Variants in ADAMTS9 observed in about 807,000 individuals in gnomAD.
ADAMTS9 encodes the protein A disintegrin and metalloproteinase with thrombospondin motifs 9.
Under a neutral mutation model 257.1 loss-of-function variants are expected in ADAMTS9, and 107 were observed. That is an observed-to-expected ratio of 0.42 (90% confidence interval 0.36 to 0.49). The LOEUF is 0.49. Ranked by LOEUF, ADAMTS9 falls within the 20% of genes least tolerant of loss-of-function variation. The probability of loss-of-function intolerance (pLI) is 0.03; values close to 1 mark genes in which losing one functional copy is unlikely to be tolerated. For missense variants in ADAMTS9, 2,353 were observed against 2,469.1 expected (o/e 0.95, Z 1.00); for synonymous variants, 982 against 880.9 (o/e 1.11, Z -2.03).
At position 64,656,102 on chromosome 3, in the gene ADAMTS9, T is replaced by C. The variant is rs894629936; in HGVS notation, c.970-227A>G. 3 of 432,310 alleles carry C rather than the reference T, an allele frequency of 6.9e-6. No individual in the cohort carries two copies. The Admixed American group carries it at 1.2e-4, about 18-fold the overall frequency. 26.8% of individuals were successfully genotyped at this position (432,310 alleles called of 1,614,324 possible). On this transcript the variant is annotated intron_variant, in intron 4 of 39. Transcript: ENST00000498707. ...GAATTCAAACAAATTTAAATTCCTC[T>C]GAAATTGCATTGCCACGTGACTTAA...
intron 28 of ADAMTS9, among the ~76,000 whole-genome samples, chr3:64,592,203 C>T (rs7647841): frequency 0.023 from 3,550 of 152,208 alleles, 133 homozygotes; most frequent in African/African-American, 0.081. Flanking sequence ...GCAGAAGTGG[C>T]CTTGCTCTTA....
chr3:64,574,441 G>A lies in ADAMTS9; in HGVS notation c.4357-5906C>T, dbSNP rs557615615. Among the ~76,000 whole-genome samples, 3 of 151,554 alleles carry A rather than the reference G, an allele frequency of 2.0e-5. No individual in the cohort carries two copies. In the East Asian group the frequency reaches 5.9e-4, roughly 30 times the overall value. On this transcript the variant is annotated intron_variant, in intron 28 of 39. Transcript: ENST00000498707. ...GAGAGTTAGGCTTTACATACAGCAT[G>A]GCTGGTCACTCTGGCTCATGACTTT...
At chr3:64,539,441 G>T in intron 36 of ADAMTS9, 147 bp from the exon 37 acceptor site, 1 of 700,586 alleles carries the variant, frequency 1.4e-6, no homozygotes, top group East Asian at 2.7e-5. Context: ...ATATTAGTGG[G>T]TAAATGGATC....
At chr3:64,605,007 A>G in intron 23 of ADAMTS9, among the ~76,000 whole-genome samples, 1 of 152,236 alleles carries the variant, frequency 6.6e-6, no homozygotes, top group East Asian at 1.9e-4. Context: ...GACTTAATAC[A>G]TATTCATCAA....
At chr3:64,669,246 C>T (rs1185638513) in intron 3 of ADAMTS9, among the ~76,000 whole-genome samples, 1 of 152,204 alleles carries the variant, frequency 6.6e-6, no homozygotes, top group East Asian at 1.9e-4. Context: ...TCTCTATAAG[C>T]TTGAGACAAC....
intron 11 of ADAMTS9, among the ~76,000 whole-genome samples, chr3:64,642,789 G>A (rs577878445): frequency 2.6e-5 from 4 of 152,132 alleles, no homozygotes; most frequent in African/African-American, 4.8e-5. Flanking sequence ...CCCGCGGCTC[G>A]CTCAGATCTC....
At chr3:64,630,761 T>C (rs764348514) in intron 16 of ADAMTS9, among the ~76,000 whole-genome samples, 15 of 152,112 alleles carry the variant, frequency 9.9e-5, no homozygotes, top group East Asian at 5.8e-4. Context: ...ATCTTGAACA[T>C]GTACTCCAGA....
chr3:64,521,031 AT>A (rs2082845574), intron 39 of ADAMTS9, among the ~76,000 whole-genome samples: 1 of 152,150 alleles, frequency 6.6e-6, no homozygotes, highest in Non-Finnish European at 1.5e-5. Context: ...AGGAGAAAAC[AT>A]TTTTAACCTA....
intron 29 of ADAMTS9, chr3:64,563,379 C>T (rs1446773609): frequency 6.6e-6 from 1 of 152,056 alleles, no homozygotes; most frequent in African/African-American, 2.4e-5. Context: ...GTTTCTGGAA[C>T]AATATATCCA....
chr3:64,596,762 T>C (rs1576097824), intron 27 of ADAMTS9, 68 bp downstream of exon 27: 2 of 1,573,014 alleles, frequency 1.3e-6, no homozygotes, highest in Non-Finnish European at 1.7e-6. Context: ...GAAAATAAAA[T>C]CTGAATGATA....
At chr3:64,547,008 A>G (rs572386766) in intron 31 of ADAMTS9, 56 bp from the exon 32 acceptor site, 2 of 1,499,652 alleles carry the variant, frequency 1.3e-6, no homozygotes, top group African/African-American at 1.4e-5. Context: ...GGCAGCCCAC[A>G]ATAGGCCCCT....
intron 23 of ADAMTS9, among the ~76,000 whole-genome samples, chr3:64,605,310 A>T (rs868819332): frequency 2.6e-5 from 4 of 152,244 alleles, no homozygotes; most frequent in Non-Finnish European, 5.9e-5. Context: ...CCAAGTCCTC[A>T]GTTCATGATT....
At chr3:64,569,253 A>G (rs1176440086) in intron 28 of ADAMTS9, among the ~76,000 whole-genome samples, 1 of 152,204 alleles carries the variant, frequency 6.6e-6, no homozygotes, top group Non-Finnish European at 1.5e-5. Flanking sequence ...CAAAAATTTG[A>G]TATGACAGCT....
chr3:64,576,940 C>T (rs1448125995), intron 28 of ADAMTS9, among the ~76,000 whole-genome samples: 1 of 152,180 alleles, frequency 6.6e-6, no homozygotes, highest in Non-Finnish European at 1.5e-5. Context: ...TCCACTCCCA[C>T]CCCAACGCCC....
At position 64,546,811 on chromosome 3, in the gene ADAMTS9, A is replaced by G; in HGVS notation, c.5011T>C (p.Tyr1671His). ...GCCGAGACAGGGCAGTCCCTCAGGT[A>G]ACAGGGGTGAACACTGGGGGGCTGC... is the stretch of plus-strand genomic sequence containing the variant. ...GTQPPSVHPC[Y>H]LRDCPVSATW... Residue 1671 changes from tyrosine to histidine, a missense_variant, in exon 32 of 40, where the codon TAC becomes CAC. Tyr to His is a moderately conservative substitution (Grantham distance 83, BLOSUM62 2). This residue lies in a region of ADAMTS9 where 1,402 missense variants were observed against 1,441.4 expected (regional missense o/e 0.97). Coordinates refer to ENST00000498707, the MANE Select transcript of ADAMTS9 (RefSeq NM_182920.2). 6.2e-7 allele frequency: 1 copy of G among 1,613,762 alleles called. No homozygotes were observed. The highest frequency in any genetic ancestry group is 8.5e-7 in the Non-Finnish European group (1 of 1,179,808).
intron 16 of ADAMTS9, among the ~76,000 whole-genome samples, chr3:64,629,718 A>C (rs542475894): frequency 6.6e-6 from 1 of 152,324 alleles, no homozygotes; most frequent in Admixed American, 6.5e-5. Context: ...AACGTCCAAG[A>C]AGACACAAAT....
chr3:64,531,565 T>G (rs2082981849), intron 38 of ADAMTS9, among the ~76,000 whole-genome samples: 1 of 151,596 alleles, frequency 6.6e-6, no homozygotes, highest in Non-Finnish European at 1.5e-5. Flanking sequence ...CATCCTGGGC[T>G]CAAGGGATCC....
At chr3:64,610,390 GAAC>G (rs1198917054) in intron 22 of ADAMTS9, among the ~76,000 whole-genome samples, 5 of 151,922 alleles carry the variant, frequency 3.3e-5, no homozygotes, top group Non-Finnish European at 4.4e-5. Context: ...TACAACTCAA[GAAC>G]AACGAGAAAA....
chr3:64,617,540 T>A (rs1166064749), intron 19 of ADAMTS9, among the ~76,000 whole-genome samples: 1 of 152,178 alleles, frequency 6.6e-6, no homozygotes, highest in African/African-American at 2.4e-5. Context: ...TTCATTTAGT[T>A]CATTTCAAGG....
Sources: allele counts gnomAD v4.1 joint callset (sites outside exome capture counted in the v4.1 genomes callset), GRCh38; gene constraint gnomAD v4.1.1; regional missense constraint gnomAD v4.1.1; transcripts MANE v1.5; gene names NCBI Gene and HGNC (gene_info 2026-07-23, HGNC 2026-07-21).